PDGFD: variants seen among roughly 807,000 people sequenced by gnomAD.
The protein encoded by PDGFD is platelet-derived growth factor D.
In PDGFD, 30 loss-of-function variants were observed where a neutral mutation model predicts 44.7. The ratio of observed to expected loss-of-function variants is 0.67; its 90% CI spans 0.50 to 0.91. The LOEUF is 0.91. Among genes scored for constraint, PDGFD ranks in the 40% least tolerant of loss-of-function variants. The probability of loss-of-function intolerance (pLI) is 0.00; values close to 1 mark genes in which losing one functional copy is unlikely to be tolerated. For missense variants in PDGFD, 445 were observed against 457.8 expected (o/e 0.97, Z 0.25); for synonymous variants, 173 against 168.4 (o/e 1.03, Z -0.21).
intron 1 of PDGFD, among the ~76,000 whole-genome samples, chr11:104,116,430 T>C (rs183137685): frequency 6.6e-6 from 1 of 152,070 alleles, no homozygotes; most frequent in African/African-American, 2.4e-5. Context: ...TTGGTGACTA[T>C]GGCTTTATAG....
At chr11:104,151,144 C>A (rs1242840511) in intron 1 of PDGFD, among the ~76,000 whole-genome samples, 3 of 152,134 alleles carry the variant, frequency 2.0e-5, no homozygotes, top group Non-Finnish European at 4.4e-5. Context: ...CTCTCTCTCT[C>A]TTCTCCTCTT....
intron 1 of PDGFD, among the ~76,000 whole-genome samples, chr11:104,030,346 T>C (rs1445100504): frequency 1.3e-5 from 2 of 152,152 alleles, no homozygotes; most frequent in Non-Finnish European, 2.9e-5. Flanking sequence ...TAAAATATCT[T>C]AATAGGCTGG....
At chr11:104,068,981 A>G (rs1860834303) in intron 1 of PDGFD, among the ~76,000 whole-genome samples, 1 of 152,182 alleles carries the variant, frequency 6.6e-6, no homozygotes, top group South Asian at 2.1e-4. Flanking sequence ...AAATCAGGAA[A>G]TTGATTATGA....
intron 1 of PDGFD, among the ~76,000 whole-genome samples, chr11:104,149,353 C>G (rs1862209858): frequency 6.6e-6 from 1 of 152,064 alleles, no homozygotes; most frequent in Admixed American, 6.6e-5. Flanking sequence ...CACCAAACTT[C>G]TAAATAAAGA....
intron 1 of PDGFD, among the ~76,000 whole-genome samples, chr11:104,031,038 C>T (rs1467990026): frequency 1.3e-5 from 2 of 152,112 alleles, no homozygotes; most frequent in Non-Finnish European, 2.9e-5. Context: ...GATCAAAACC[C>T]TAGAAGAAAA....
chr11:103,967,446 TTC>T (rs1859037729), intron 3 of PDGFD, among the ~76,000 whole-genome samples: 1 of 152,308 alleles, frequency 6.6e-6, no homozygotes, highest in African/African-American at 2.4e-5. Context: ...GCAAAATGCA[TTC>T]TGTGACTCTG....
chr11:103,980,158 G>A (rs1461035245), intron 3 of PDGFD, among the ~76,000 whole-genome samples: 1 of 151,804 alleles, frequency 6.6e-6, no homozygotes, highest in African/African-American at 2.4e-5. Context: ...AAATAGTAGG[G>A]GTTTTATTGT....
At chr11:103,930,641 A>G (rs1271500457) in intron 5 of PDGFD, among the ~76,000 whole-genome samples, 1 of 151,962 alleles carries the variant, frequency 6.6e-6, no homozygotes, top group Non-Finnish European at 1.5e-5. Flanking sequence ...CCTTTTGTAC[A>G]TTATGAGCCC....
At chr11:104,084,947 A>T (rs1460099537) in intron 1 of PDGFD, among the ~76,000 whole-genome samples, 2 of 44,614 alleles carry the variant, frequency 4.5e-5, no homozygotes, top group African/African-American at 3.0e-4. Context: ...CATATATCAC[A>T]TATAAATAAA....
chr11:104,102,392 C>G (rs1183375398), intron 1 of PDGFD, among the ~76,000 whole-genome samples: 2 of 152,108 alleles, frequency 1.3e-5, no homozygotes, highest in Admixed American at 1.3e-4. Context: ...CATCTCACAC[C>G]AGTTAGAATG....
intron 1 of PDGFD, among the ~76,000 whole-genome samples, chr11:104,045,186 A>G (rs566630378): frequency 3.9e-5 from 6 of 152,154 alleles, no homozygotes; most frequent in Non-Finnish European, 8.8e-5. Context: ...GCACTTCTAA[A>G]CAAGCTGAAA....
intron 1 of PDGFD, among the ~76,000 whole-genome samples, chr11:104,100,845 A>C (rs1202176540): frequency 6.6e-6 from 1 of 152,186 alleles, no homozygotes; most frequent in Non-Finnish European, 1.5e-5. Context: ...AACCAACGAC[A>C]AAAACCACAT....
chr11:104,143,849 G>A (rs550257074), intron 1 of PDGFD, among the ~76,000 whole-genome samples: 109 of 152,274 alleles, frequency 7.2e-4, no homozygotes, highest in Non-Finnish European at 1.3e-3. Context: ...AAACCAATTT[G>A]TCTACTTTTC....
intron 1 of PDGFD, among the ~76,000 whole-genome samples, chr11:104,019,924 G>C (rs1859924272): frequency 6.6e-6 from 1 of 152,034 alleles, no homozygotes; most frequent in Admixed American, 6.6e-5. Context: ...CTACAAAATA[G>C]TGATAACATT....
intron 1 of PDGFD, among the ~76,000 whole-genome samples, chr11:104,024,090 T>C (rs1415013589): frequency 6.6e-6 from 1 of 152,196 alleles, no homozygotes; most frequent in Non-Finnish European, 1.5e-5. Context: ...GTCACATGAC[T>C]GAAGAGGTGC....
At chr11:103,954,329 A>T (rs1172637047) in intron 3 of PDGFD, among the ~76,000 whole-genome samples, 1 of 152,100 alleles carries the variant, frequency 6.6e-6, no homozygotes, top group Non-Finnish European at 1.5e-5. Flanking sequence ...CTGTCCCTTG[A>T]TACCACGTGG....
intron 1 of PDGFD, among the ~76,000 whole-genome samples, chr11:104,158,940 G>A (rs1862349641): frequency 6.6e-6 from 1 of 151,818 alleles, no homozygotes; most frequent in African/African-American, 2.4e-5. Context: ...GGATCACGAG[G>A]TCAGGAGTTC....
chr11:104,045,928 G>C (rs916328388), intron 1 of PDGFD, among the ~76,000 whole-genome samples: 1 of 146,690 alleles, frequency 6.8e-6, no homozygotes, highest in Non-Finnish European at 1.5e-5. Flanking sequence ...GAAGAAACAT[G>C]GAGGGCTAGT....
intron 2 of PDGFD, among the ~76,000 whole-genome samples, chr11:103,999,063 T>C (rs1015843639): frequency 1.3e-5 from 2 of 152,214 alleles, no homozygotes; most frequent in Non-Finnish European, 2.9e-5. Context: ...TGGCTCTTCC[T>C]TAATGTATTC....
Sources: gnomAD v4.1 joint callset for allele counts (sites outside exome capture counted in the v4.1 genomes callset) on GRCh38, gnomAD v4.1.1 for gene constraint, MANE v1.5 for transcripts, NCBI Gene and HGNC (gene_info 2026-07-23, HGNC 2026-07-21) for gene names.